The following HSD11B1 variants were observed in gnomAD, a reference collection of about 807,000 sequenced individuals.
HSD11B1 encodes 11-beta-hydroxysteroid dehydrogenase 1.
In HSD11B1, 15 loss-of-function variants were observed where a neutral mutation model predicts 22.1. That is an observed-to-expected ratio of 0.68 (90% CI 0.45 to 1.04). The LOEUF (loss-of-function observed/expected upper bound fraction) is 1.04, where lower values mean the gene tolerates loss of function less well. Ranked by LOEUF, HSD11B1 falls within the 50% of genes least tolerant of loss-of-function variation. The pLI, the probability that HSD11B1 is intolerant of heterozygous loss-of-function variation, is 0.00. For missense variants in HSD11B1, 281 were observed against 357.6 expected (o/e 0.79, Z 1.73); for synonymous variants, 122 against 125.2 (o/e 0.97, Z 0.17).
At chr1:209,703,225 T>A (rs1008298675), upstream of HSD11B1, among the ~76,000 whole-genome samples, 1 of 152,198 alleles carries the variant, frequency 6.6e-6, no homozygotes, top group Non-Finnish European at 1.5e-5. Context: ...TTTCTATCAT[T>A]TCAACATCAT....
intron 4 of HSD11B1, among the ~76,000 whole-genome samples, chr1:209,729,041 C>T (rs2077019935): frequency 1.3e-5 from 2 of 152,052 alleles, no homozygotes; most frequent in South Asian, 2.1e-4. Context: ...ATACAGAAAA[C>T]CTAAAATAAT....
At chr1:209,689,156 T>C (rs535799151) in intron 1 of HSD11B1, among the ~76,000 whole-genome samples, 1 of 152,278 alleles carries the variant, frequency 6.6e-6, no homozygotes, top group Admixed American at 6.5e-5. Flanking sequence ...AAAGACTCCA[T>C]ACTGAAAGAT....
intron 4 of HSD11B1, among the ~76,000 whole-genome samples, chr1:209,721,242 C>T (rs529088595): frequency 1.5e-4 from 23 of 152,114 alleles, no homozygotes; most frequent in African/African-American, 5.5e-4. Context: ...GTTATGACAG[C>T]CCTAGGAAAC....
chr1:209,699,050 A>T (rs2076810421), intron 1 of HSD11B1, among the ~76,000 whole-genome samples: 1 of 152,226 alleles, frequency 6.6e-6, no homozygotes, highest in African/African-American at 2.4e-5. Flanking sequence ...ATTGACATGA[A>T]GGATTGACAA....
At chr1:209,689,941 C>T (rs554207370) in intron 1 of HSD11B1, among the ~76,000 whole-genome samples, 114 of 152,236 alleles carry the variant, frequency 7.5e-4, no homozygotes, top group African/African-American at 2.5e-3. Flanking sequence ...TTATCAGTAA[C>T]GGCCACAGCA....
At chr1:209,693,626 T>A (rs1328622276) in intron 1 of HSD11B1, among the ~76,000 whole-genome samples, 1 of 152,236 alleles carries the variant, frequency 6.6e-6, no homozygotes. Flanking sequence ...CTTCCAGTGA[T>A]CTTGTTTTTA....
At chr1:209,725,845 G>A (rs2076997809) in intron 4 of HSD11B1, among the ~76,000 whole-genome samples, 1 of 152,182 alleles carries the variant, frequency 6.6e-6, no homozygotes, top group Non-Finnish European at 1.5e-5. Flanking sequence ...GTCCTTACGT[G>A]CATTGAATTT....
chr1:209,705,976 CA>C, intron 2 of HSD11B1, 35 bp downstream of exon 2: 6 of 1,612,874 alleles, frequency 3.7e-6, no homozygotes, highest in Non-Finnish European at 5.1e-6. Flanking sequence ...TGTGTACCGT[CA>C]CATGCTCAGA....
At chr1:209,701,383 G>A (rs2076825837), upstream of HSD11B1, among the ~76,000 whole-genome samples, 1 of 152,150 alleles carries the variant, frequency 6.6e-6, no homozygotes, top group Admixed American at 6.5e-5. Context: ...ACTATCAAGA[G>A]AATAGCACAG....
At chr1:209,692,610 G>GGGTGGGGGGT (rs1553286712) in intron 1 of HSD11B1, among the ~76,000 whole-genome samples, 1 of 119,648 alleles carries the variant, frequency 8.4e-6, no homozygotes, top group African/African-American at 3.1e-5. Context: ...AAAATGGCGG[G>GGGTGGGGGGT]GGGGGGGGTG....
chr1:209,706,751 T>G lies in HSD11B1; in HGVS notation c.262T>G (p.Tyr88Asp). 2 of 1,614,060 alleles carry G rather than the reference T, an allele frequency of 1.2e-6. No individual in the cohort carries two copies. The highest frequency in any genetic ancestry group is 1.7e-6 in the Non-Finnish European group (2 of 1,179,956). Residue 88 changes from tyrosine to aspartate, a missense_variant, in exon 3 of 6, where the codon TAC (tyrosine) becomes GAC (aspartate). By Grantham distance (160) the Tyr-to-Asp change is radical. Transcript: ENST00000367027. This position sits in a 1 kb window ranked among gnomAD's most constrained non-coding sequence, Gnocchi z 4.0. Reference protein sequence around the residue: ...CLELGAASAHYIAGTMEDMTF... With the variant: ...CLELGAASAHDIAGTMEDMTF... ...GGAGCTTGGAGCAGCCTCAGCACAC[T>G]ACATTGCTGGCACCATGGAAGACAT...
intron 4 of HSD11B1, among the ~76,000 whole-genome samples, chr1:209,719,019 CAAAAAAA>C (rs56342028): frequency 5.6e-5 from 2 of 35,706 alleles, no homozygotes; most frequent in African/African-American, 1.2e-4. Flanking sequence ...GACTCCATCT[CAAAAAAA>C]AAAAAAAAAA....
chr1:209,707,921 A>G lies in HSD11B1; in HGVS notation c.517+793A>G, dbSNP rs2076870700. ...TAAGCTAAAGCTAAATAAAATGAAC[A>G]ACAAGAAAAAAAAAAAAGATGAACA... On this transcript the variant is annotated intron_variant, in intron 4 of 5. Transcript: ENST00000367027. Among the ~76,000 whole-genome samples, 4 of 142,526 alleles carry G rather than the reference A, an allele frequency of 2.8e-5. No individual in the cohort carries two copies. In the South Asian group the frequency reaches 9.1e-4, roughly 32 times the overall value. The allele number at this position is 142,526 out of a possible 152,430, so 93.5% of individuals were successfully genotyped here.
intron 4 of HSD11B1, among the ~76,000 whole-genome samples, chr1:209,713,751 G>C: frequency 6.6e-6 from 1 of 152,124 alleles, no homozygotes; most frequent in East Asian, 1.9e-4. Context: ...GTAAATAGCT[G>C]TTATATTGTA....
intron 4 of HSD11B1, among the ~76,000 whole-genome samples, chr1:209,720,392 G>T (rs187318361): frequency 6.6e-6 from 1 of 152,020 alleles, no homozygotes; most frequent in Non-Finnish European, 1.5e-5. Flanking sequence ...CATCAATAGC[G>T]CGCTGGTAAA....
At chr1:209,719,649 C>T (rs115654838) in intron 4 of HSD11B1, among the ~76,000 whole-genome samples, 2,460 of 152,246 alleles carry the variant, frequency 0.016, 90 homozygotes, top group African/African-American at 0.056. Flanking sequence ...TGAGTGAGAA[C>T]GCGCAATGTT....
At chr1:209,720,394 G>A (rs192141023) in intron 4 of HSD11B1, among the ~76,000 whole-genome samples, 8 of 152,136 alleles carry the variant, frequency 5.3e-5, no homozygotes, top group African/African-American at 1.2e-4. Flanking sequence ...TCAATAGCGC[G>A]CTGGTAAATG....
intron 4 of HSD11B1, among the ~76,000 whole-genome samples, chr1:209,714,834 G>C (rs2076920456): frequency 1.3e-5 from 2 of 152,208 alleles, no homozygotes. Flanking sequence ...TCACAGAGCA[G>C]GTTTGGGACA....
intron 4 of HSD11B1, among the ~76,000 whole-genome samples, chr1:209,728,964 T>G (rs1003732778): frequency 1.3e-5 from 2 of 152,208 alleles, no homozygotes; most frequent in Non-Finnish European, 2.9e-5. Flanking sequence ...GATGTCAGCT[T>G]TCTTTTGGCA....
Sources: allele counts gnomAD v4.1 joint callset (sites outside exome capture counted in the v4.1 genomes callset), GRCh38; gene constraint gnomAD v4.1.1; non-coding constraint Gnocchi (gnomAD v3.1); transcripts MANE v1.5; gene names NCBI Gene and HGNC (gene_info 2026-07-23, HGNC 2026-07-21).